The following CORIN variants were observed in gnomAD, a reference collection of about 807,000 sequenced individuals.
CORIN encodes the protein corin, serine peptidase, also known as atrial natriuretic peptide-converting enzyme.
A neutral mutation model predicts 125.3 loss-of-function variants in CORIN; 117 were observed. That is an observed-to-expected ratio of 0.93 (90% CI 0.80 to 1.09). The LOEUF is 1.09. CORIN is among the 50% of genes least tolerant of loss of function. CORIN has a pLI of 0.00. For missense variants in CORIN, 1,253 were observed against 1,306.7 expected, an observed-to-expected ratio of 0.96 and a Z score of 0.63; for synonymous variants, 450 against 466.4, an observed-to-expected ratio of 0.96 and a Z score of 0.45.
intron 5 of CORIN, among the ~76,000 whole-genome samples, chr4:47,698,065 A>G (rs1161930706): frequency 6.6e-6 from 1 of 151,618 alleles, no homozygotes; most frequent in African/African-American, 2.4e-5. Flanking sequence ...TTATAGAATA[A>G]TTAATACTAT....
chr4:47,602,293 AAACAAT>A (rs1721479398), intron 20 of CORIN, among the ~76,000 whole-genome samples: 1 of 152,146 alleles, frequency 6.6e-6, no homozygotes, highest in South Asian at 2.1e-4. Context: ...ATAAACAAAC[AAACAAT>A]TATTATTTCT....
chr4:47,829,645 T>G (rs1204774710), intron 1 of CORIN, among the ~76,000 whole-genome samples: 1 of 152,118 alleles, frequency 6.6e-6, no homozygotes, highest in Non-Finnish European at 1.5e-5. Flanking sequence ...AGGTAGATAG[T>G]GTCAGAATTG....
chr4:47,821,759 G>T (rs1391081515), intron 1 of CORIN, among the ~76,000 whole-genome samples: 3 of 152,122 alleles, frequency 2.0e-5, no homozygotes, highest in Non-Finnish European at 4.4e-5. Flanking sequence ...ACCAAACATA[G>T]AAATGATAAA....
At chr4:47,657,706 G>A (rs756133838) in intron 12 of CORIN, among the ~76,000 whole-genome samples, 18 of 152,002 alleles carry the variant, frequency 1.2e-4, no homozygotes, top group East Asian at 3.9e-4. Context: ...GAGCAGGCAC[G>A]TCACATGGCA....
Position 47,674,388 on chromosome 4 carries a change from C to T in CORIN, c.1357+5G>A, listed in dbSNP as rs187819646. 9.5e-4 allele frequency: 1,516 copies of T among 1,588,354 alleles called. 3 individuals are homozygous for T. Among genetic ancestry groups the T allele is most frequent in the Admixed American group, 1.6e-3 (95 of 59,970 alleles). ...GCTATTGCATTTGTCAGCTGTTGTA[C>T]TTACTACAGTTATTCAGACTGTTGT... On this transcript the variant is annotated splice_donor_5th_base_variant and intron_variant, in intron 10 of 21. Coordinates refer to ENST00000273857, the MANE Select transcript of CORIN (RefSeq NM_006587.4).
intron 5 of CORIN, among the ~76,000 whole-genome samples, chr4:47,737,307 A>G (rs1182251046): frequency 2.6e-5 from 4 of 152,252 alleles, no homozygotes; most frequent in Non-Finnish European, 4.4e-5. Flanking sequence ...TCTGGCCCAT[A>G]TCACATATAC....
intron 3 of CORIN, among the ~76,000 whole-genome samples, chr4:47,768,159 T>C (rs28712247): frequency 0.046 from 7,060 of 152,186 alleles, 499 homozygotes; most frequent in African/African-American, 0.16. Context: ...CCCCTTTGAC[T>C]GTAATTTTCC....
chr4:47,816,111 A>G (rs1244450081), intron 1 of CORIN, among the ~76,000 whole-genome samples: 1 of 152,246 alleles, frequency 6.6e-6, no homozygotes, highest in Non-Finnish European at 1.5e-5. Context: ...TTTATGCTCT[A>G]CAACAATTCA....
intron 4 of CORIN, among the ~76,000 whole-genome samples, chr4:47,759,547 C>CA (rs1294071172): frequency 2.0e-5 from 3 of 151,792 alleles, no homozygotes; most frequent in Non-Finnish European, 4.4e-5. Flanking sequence ...ACAAAATGAT[C>CA]AAAAAAACCT....
At chr4:47,827,276 G>T (rs933830066) in intron 1 of CORIN, among the ~76,000 whole-genome samples, 3 of 152,102 alleles carry the variant, frequency 2.0e-5, no homozygotes, top group Admixed American at 2.0e-4. Flanking sequence ...ATTCAAGAGA[G>T]ATATTTTATT....
chr4:47,637,333 G>T (rs867352512), intron 16 of CORIN, among the ~76,000 whole-genome samples: 9 of 152,200 alleles, frequency 5.9e-5, no homozygotes, highest in African/African-American at 2.2e-4. Context: ...CATTTTCTGA[G>T]GAGAAATTCA....
chr4:47,647,514 T>C (rs550391781), intron 13 of CORIN, among the ~76,000 whole-genome samples: 1 of 151,342 alleles, frequency 6.6e-6, no homozygotes, highest in South Asian at 2.1e-4. Flanking sequence ...TCCTCACAAA[T>C]AATAATAATA....
At chr4:47,729,028 G>A (rs1000773980) in intron 5 of CORIN, among the ~76,000 whole-genome samples, 4 of 152,198 alleles carry the variant, frequency 2.6e-5, no homozygotes, top group African/African-American at 9.7e-5. Flanking sequence ...GAATTACGGA[G>A]CCCGCAGAGA....
At position 47,645,225 on chromosome 4, in the gene CORIN, A is replaced by G. The variant is rs1005715700; in HGVS notation, c.1844-31T>C. 6.4e-6 allele frequency: 8 copies of G among 1,245,496 alleles called. No individual in the cohort carries two copies. In the Admixed American group the frequency reaches 1.4e-4, roughly 21 times the overall value. 77.2% of individuals were successfully genotyped at this position (1,245,496 alleles called of 1,614,324 possible). Reference sequence around the variant, plus strand: ...GACAGAAGAAAAGGTTATTTGCAATAGACGTGGAATTGAAAATAATGATAA... The same window carrying G: ...GACAGAAGAAAAGGTTATTTGCAATGGACGTGGAATTGAAAATAATGATAA... On this transcript the variant is annotated intron_variant, in intron 13 of 21. Transcript: ENST00000273857.
At position 47,603,687 on chromosome 4, in the gene CORIN, A is replaced by C. The variant is rs757904807; in HGVS notation, c.2541-19T>G. The C allele has an allele frequency of 3.7e-6, 6 of 1,602,314 alleles. No individual in the cohort carries two copies. The highest frequency in any genetic ancestry group is 5.1e-6 in the Non-Finnish European group (6 of 1,170,882). Reference sequence around the variant, plus strand: ...CTCTCTCCTAAAATTATAATTCAAGAGCTATTGGCATCTTAAACTCTAGTT... The same window carrying C: ...CTCTCTCCTAAAATTATAATTCAAGCGCTATTGGCATCTTAAACTCTAGTT... On this transcript the variant is annotated intron_variant, in intron 19 of 21. Coordinates refer to ENST00000273857, the MANE Select transcript of CORIN (RefSeq NM_006587.4).
intron 16 of CORIN, among the ~76,000 whole-genome samples, chr4:47,633,264 T>C (rs186382800): frequency 6.8e-4 from 103 of 152,220 alleles, no homozygotes; most frequent in African/African-American, 2.4e-3. Context: ...TAAACAAAAC[T>C]AAATATTTAA....
intron 12 of CORIN, 187 bp downstream of exon 12, chr4:47,661,523 CA>C: frequency 1.9e-6 from 1 of 514,106 alleles, no homozygotes; most frequent in Non-Finnish European, 3.4e-6. Flanking sequence ...AAAATGAATG[CA>C]ATATCTAACA....
intron 3 of CORIN, among the ~76,000 whole-genome samples, chr4:47,767,225 T>C (rs540149939): frequency 6.6e-6 from 1 of 152,008 alleles, no homozygotes; most frequent in South Asian, 2.1e-4. Context: ...TGGGCTTGAG[T>C]TGTCAGATAA....
chr4:47,616,016 G>C (rs1053539838), intron 19 of CORIN, among the ~76,000 whole-genome samples: 3 of 152,148 alleles, frequency 2.0e-5, no homozygotes, highest in South Asian at 4.1e-4. Flanking sequence ...TACTGAGATG[G>C]GGGAAGTTTG....
Sources: gnomAD v4.1 joint callset for allele counts (sites outside exome capture counted in the v4.1 genomes callset) on GRCh38, gnomAD v4.1.1 for gene constraint, MANE v1.5 for transcripts, NCBI Gene and HGNC (gene_info 2026-07-23, HGNC 2026-07-21) for gene names.